The following CNTLN variants were observed in gnomAD, a reference collection of about 807,000 sequenced individuals.
The protein encoded by CNTLN is centlein, also known as centlein, centrosomal protein.
Under a neutral mutation model 180.0 loss-of-function variants are expected in CNTLN, and 212 were observed. The ratio of observed to expected loss-of-function variants is 1.18; its 90% CI spans 1.05 to 1.32. CNTLN has a LOEUF of 1.32. Among genes scored for constraint, CNTLN ranks in the 40% most tolerant of loss-of-function variants. The pLI, the probability that CNTLN is intolerant of heterozygous loss-of-function variation, is 0.00. For missense variants in CNTLN, 2,095 were observed against 1,610.9 expected (o/e 1.30, Z -5.14); for synonymous variants, 722 against 563.1 (o/e 1.28, Z -3.99).
intron 13 of CNTLN, among the ~76,000 whole-genome samples, chr9:17,369,855 C>T (rs1824155624): frequency 6.6e-6 from 1 of 151,726 alleles, no homozygotes; most frequent in Non-Finnish European, 1.5e-5. Context: ...GGCATGGTGG[C>T]ACATGCCGGT....
chr9:17,514,688 A>G, the CNTLN span, among the ~76,000 whole-genome samples: 1 of 152,222 alleles, frequency 6.6e-6, no homozygotes. Flanking sequence ...TGGTTTTTGA[A>G]GGGAAGCCCG....
chr9:17,183,035 A>G (rs907411817), intron 2 of CNTLN, among the ~76,000 whole-genome samples: 1 of 152,298 alleles, frequency 6.6e-6, no homozygotes, highest in African/African-American at 2.4e-5. Context: ...GTGAGTAGAT[A>G]ATAGTATGAT....
intron 2 of CNTLN, among the ~76,000 whole-genome samples, chr9:17,149,943 A>C (rs1480534420): frequency 2.0e-5 from 3 of 152,180 alleles, no homozygotes; most frequent in African/African-American, 7.2e-5. Flanking sequence ...TTGGCTGCAT[A>C]AATGTTTTCT....
At chr9:17,420,528 AT>A (rs1828634796) in intron 18 of CNTLN, among the ~76,000 whole-genome samples, 1 of 150,706 alleles carries the variant, frequency 6.6e-6, no homozygotes, top group South Asian at 2.1e-4. Flanking sequence ...TTTTTTTCAT[AT>A]TGTTTTGTTC....
At chr9:17,193,941 G>A (rs545215273) in intron 2 of CNTLN, among the ~76,000 whole-genome samples, 27 of 152,332 alleles carry the variant, frequency 1.8e-4, no homozygotes, top group Admixed American at 1.2e-3. Flanking sequence ...TGCACTTGCA[G>A]GCTCAGCACC....
intron 2 of CNTLN, among the ~76,000 whole-genome samples, chr9:17,211,279 G>A (rs1347400529): frequency 6.6e-6 from 1 of 152,178 alleles, no homozygotes; most frequent in East Asian, 1.9e-4. Context: ...CATATGGCTA[G>A]CCAGTTTTCG....
In CNTLN at chr9:17,277,727, C is replaced by T. The variant is rs1587460902; in HGVS notation, c.983+3861C>T. 2.0e-5 allele frequency among the ~76,000 whole-genome samples: 3 copies of T among 151,992 alleles called. No homozygotes were observed. The South Asian group carries it at 6.2e-4, about 32-fold the overall frequency. Reference sequence around the variant, plus strand: ...ATAAAACTTAATTGCATCTTTTATACCAGCGAAACATATTAGGAAATAAGA... The same window carrying T: ...ATAAAACTTAATTGCATCTTTTATATCAGCGAAACATATTAGGAAATAAGA... On this transcript the variant is annotated intron_variant, in intron 6 of 25. Coordinates refer to ENST00000380647, the MANE Select transcript of CNTLN (RefSeq NM_017738.4).
intron 5 of CNTLN, among the ~76,000 whole-genome samples, chr9:17,259,399 G>T (rs1235245527): frequency 7.5e-6 from 1 of 134,092 alleles, no homozygotes; most frequent in African/African-American, 3.0e-5. Flanking sequence ...GAGGATTTTT[G>T]CATCAATGTT....
At chr9:17,422,417 A>T (rs115538924) in intron 18 of CNTLN, among the ~76,000 whole-genome samples, 4 of 152,208 alleles carry the variant, frequency 2.6e-5, no homozygotes, top group African/African-American at 9.6e-5. Context: ...TACGTGAATT[A>T]TTCTCCTGTG....
Position 17,148,134 on chromosome 9 carries a change from T to A in CNTLN, c.449+4758T>A, listed in dbSNP as rs145807309. On this transcript the variant is annotated intron_variant, in intron 2 of 25. Coordinates refer to ENST00000380647, the MANE Select transcript of CNTLN (RefSeq NM_017738.4). Reference sequence around the variant, plus strand: ...TGTACCCATCACTCACCTTGAACAGTTATCAACACACGGACAATCTTGTTT... The same window carrying A: ...TGTACCCATCACTCACCTTGAACAGATATCAACACACGGACAATCTTGTTT... Among the ~76,000 whole-genome samples the A allele has an allele frequency of 4.1e-3, 632 of 152,306 alleles. 1 individual carries two copies. Among genetic ancestry groups the A allele is most frequent in the African/African-American group, 0.014 (578 of 41,564 alleles).
rs1479861904 is a variant in CNTLN, at chr9:17,355,622, G to GTA, written c.1887-10994_1887-10993dup. 3.9e-5 allele frequency among the ~76,000 whole-genome samples: 6 copies of GTA among 152,282 alleles called. No homozygotes were observed. The Middle Eastern group carries it at 0.014, about 345-fold the overall frequency. On this transcript the variant is annotated intron_variant, in intron 12 of 25. Transcript: ENST00000380647. ...GTTAATTTTTTATATGTGGTGTGAA[G>GTA]TAGGGGGTCCAGTTTCATTTTTTAC...
At chr9:17,306,142 G>C (rs1759619) in intron 7 of CNTLN, among the ~76,000 whole-genome samples, 1 of 143,566 alleles carries the variant, frequency 7.0e-6, no homozygotes, top group African/African-American at 2.6e-5. Flanking sequence ...GCTATTAGTC[G>C]TCTATTTTTT....
At chr9:17,198,756 G>T (rs898793309) in intron 2 of CNTLN, among the ~76,000 whole-genome samples, 1 of 147,350 alleles carries the variant, frequency 6.8e-6, no homozygotes, top group Non-Finnish European at 1.5e-5. Context: ...TTCAACTCCC[G>T]CTTATGAGTG....
intron 8 of CNTLN, among the ~76,000 whole-genome samples, chr9:17,320,936 A>C (rs1819866728): frequency 6.6e-6 from 1 of 152,236 alleles, no homozygotes; most frequent in Non-Finnish European, 1.5e-5. Context: ...TTCCAGCAGG[A>C]TTATACCAAG....
intron 25 of CNTLN, among the ~76,000 whole-genome samples, chr9:17,487,831 A>G (rs565896848): frequency 1.5e-4 from 23 of 152,214 alleles, no homozygotes; most frequent in South Asian, 8.3e-4. Context: ...TAAGTGATCA[A>G]GGGCAGTTTA....
chr9:17,457,802 T>G, intron 19 of CNTLN, 87 bp downstream of exon 19: 1 of 842,122 alleles, frequency 1.2e-6, no homozygotes, highest in Non-Finnish European at 1.6e-6. Context: ...TTTATTCTAA[T>G]AAAGGTAAAT....
chr9:17,314,058 G>A (rs1046902218), intron 8 of CNTLN, among the ~76,000 whole-genome samples: 1 of 152,066 alleles, frequency 6.6e-6, no homozygotes. Flanking sequence ...TTTAAAAATT[G>A]TTTTATATCT....
chr9:17,294,640 G>T (rs1231411537), intron 6 of CNTLN, among the ~76,000 whole-genome samples: 1 of 149,438 alleles, frequency 6.7e-6, no homozygotes, highest in Non-Finnish European at 1.5e-5. Flanking sequence ...CCGCACAGGG[G>T]CCACAGGTGG....
At chr9:17,300,469 C>T (rs900623034) in intron 7 of CNTLN, 7 of 152,120 alleles carry the variant, frequency 4.6e-5, no homozygotes, top group African/African-American at 1.7e-4. Flanking sequence ...AAGCTATTGC[C>T]TTTTATGTTT....
Sources: allele counts gnomAD v4.1 joint callset (sites outside exome capture counted in the v4.1 genomes callset), GRCh38; gene constraint gnomAD v4.1.1; transcripts MANE v1.5; gene names NCBI Gene and HGNC (gene_info 2026-07-23, HGNC 2026-07-21).